GRM1: variants seen among roughly 807,000 people sequenced by gnomAD.
GRM1 encodes glutamate metabotropic receptor 1, also known as metabotropic glutamate receptor 1.
In GRM1, 33 loss-of-function variants were observed where a neutral mutation model predicts 90.9. The ratio of observed to expected loss-of-function variants is 0.36; its 90% CI spans 0.28 to 0.49. GRM1 has a LOEUF of 0.49. GRM1 is among the 20% of genes least tolerant of loss of function. The pLI, the probability that GRM1 is intolerant of heterozygous loss-of-function variation, is 0.99. For missense variants in GRM1, 1,190 were observed against 1,534.3 expected, an observed-to-expected ratio of 0.78 and a Z score of 3.75; for synonymous variants, 700 against 613.2, an observed-to-expected ratio of 1.14 and a Z score of -2.09.
At chr6:146,345,402 T>C (rs1172704359) in intron 3 of GRM1, among the ~76,000 whole-genome samples, 3 of 152,184 alleles carry the variant, frequency 2.0e-5, no homozygotes, top group African/African-American at 7.2e-5. Flanking sequence ...ACATTTATGG[T>C]TTTGTTTTGT....
At chr6:146,352,681 T>A (rs1413963168) in intron 4 of GRM1, among the ~76,000 whole-genome samples, 185 bp downstream of exon 4, 1 of 152,102 alleles carries the variant, frequency 6.6e-6, no homozygotes, top group African/African-American at 2.4e-5. Flanking sequence ...TTTAAGACAT[T>A]AAAATACTTC....
intron 6 of GRM1, among the ~76,000 whole-genome samples, chr6:146,396,143 C>T (rs1457919123): frequency 6.7e-6 from 1 of 149,656 alleles, no homozygotes; most frequent in Non-Finnish European, 1.5e-5. Flanking sequence ...TATCATCTGT[C>T]TTGCCTGCAT....
At chr6:146,382,336 A>C (rs1030910382) in intron 5 of GRM1, among the ~76,000 whole-genome samples, 3 of 151,794 alleles carry the variant, frequency 2.0e-5, no homozygotes, top group African/African-American at 7.2e-5. Context: ...AAAAAAAAAA[A>C]AACAACTTGT....
At chr6:146,323,183 T>A (rs1275610277) in intron 3 of GRM1, among the ~76,000 whole-genome samples, 2 of 152,182 alleles carry the variant, frequency 1.3e-5, no homozygotes, top group East Asian at 3.9e-4. Context: ...CCACAGTGGT[T>A]GAACTAGTTT....
chr6:146,256,006 G>A (rs961152843), intron 2 of GRM1, among the ~76,000 whole-genome samples: 9 of 152,142 alleles, frequency 5.9e-5, no homozygotes, highest in Admixed American at 5.9e-4. Context: ...ATCCTAACCA[G>A]TAGGCATTTC....
Position 146,437,172 on chromosome 6 carries a change from TA to T in GRM1, c.*2377del, listed in dbSNP as rs1204435068. On this transcript the variant is annotated 3_prime_UTR_variant, in exon 8 of 8. Transcript: ENST00000282753. ...GATCTCTTTATTAGTGAATCATGCT[TA>T]TTTTTTACTCTTAATGCCACTAATA... The T allele has an allele frequency of 6.6e-6, 1 of 152,208 alleles. No homozygotes were observed. The highest frequency in any genetic ancestry group is 1.9e-4 in the East Asian group (1 of 5,190). The allele number at this position is 152,208 out of a possible 1,614,324, so 9.4% of individuals were successfully genotyped here.
intron 1 of GRM1, among the ~76,000 whole-genome samples, chr6:146,054,353 C>T (rs923518455): frequency 6.6e-6 from 1 of 152,038 alleles, no homozygotes; most frequent in Non-Finnish European, 1.5e-5. Flanking sequence ...TATATTTTCT[C>T]TCCCATATTT....
chr6:146,316,297 G>T (rs1783965320), intron 3 of GRM1, among the ~76,000 whole-genome samples: 2 of 152,142 alleles, frequency 1.3e-5, no homozygotes, highest in Admixed American at 6.5e-5. Flanking sequence ...ACGTGACCAG[G>T]GAAATTTCTC....
chr6:146,168,373 T>C (rs1777985642), intron 2 of GRM1, among the ~76,000 whole-genome samples: 1 of 152,002 alleles, frequency 6.6e-6, no homozygotes, highest in Admixed American at 6.6e-5. Flanking sequence ...TGATAGTAAA[T>C]TTCTATTTCT....
chr6:146,088,794 A>G (rs1011055381), intron 1 of GRM1, among the ~76,000 whole-genome samples: 9 of 152,136 alleles, frequency 5.9e-5, no homozygotes, highest in African/African-American at 2.2e-4. Flanking sequence ...AAAGAGGCCT[A>G]TGGAATCTTC....
At chr6:146,415,765 A>T (rs1489489036) in intron 7 of GRM1, among the ~76,000 whole-genome samples, 1 of 152,214 alleles carries the variant, frequency 6.6e-6, no homozygotes, top group Admixed American at 6.5e-5. Flanking sequence ...ATGCCCATTA[A>T]TAGGGTTGAA....
At chr6:146,345,612 A>G (rs1380885843) in intron 3 of GRM1, among the ~76,000 whole-genome samples, 1 of 152,232 alleles carries the variant, frequency 6.6e-6, no homozygotes, top group Admixed American at 6.5e-5. Context: ...GGATTCAAAG[A>G]GGACCATAAT....
At chr6:146,035,438 A>G (rs1428077312) in intron 1 of GRM1, among the ~76,000 whole-genome samples, 1 of 152,038 alleles carries the variant, frequency 6.6e-6, no homozygotes, top group Non-Finnish European at 1.5e-5. Context: ...TAATTTTTTA[A>G]CAAGTGTTCA....
intron 2 of GRM1, among the ~76,000 whole-genome samples, chr6:146,281,826 C>G (rs943473806): frequency 6.6e-5 from 10 of 152,174 alleles, no homozygotes; most frequent in African/African-American, 2.4e-4. Flanking sequence ...TGGCACACAT[C>G]ACCATGGATT....
At chr6:146,416,658 C>T (rs539901859) in intron 7 of GRM1, among the ~76,000 whole-genome samples, 4 of 152,238 alleles carry the variant, frequency 2.6e-5, no homozygotes, top group South Asian at 2.1e-4. Context: ...AATCCAGTTA[C>T]GGACTGAGCT....
At chr6:146,392,326 G>A (rs926172529) in intron 6 of GRM1, among the ~76,000 whole-genome samples, 1 of 152,100 alleles carries the variant, frequency 6.6e-6, no homozygotes, top group African/African-American at 2.4e-5. Flanking sequence ...TAAGAACCTA[G>A]AGAGCTTGCA....
intron 3 of GRM1, among the ~76,000 whole-genome samples, chr6:146,340,963 G>T (rs956512550): frequency 6.6e-6 from 1 of 152,142 alleles, no homozygotes; most frequent in Non-Finnish European, 1.5e-5. Context: ...CAAAATAGTA[G>T]GGTCCTCTGA....
intron 3 of GRM1, among the ~76,000 whole-genome samples, chr6:146,341,429 T>C (rs1784976661): frequency 6.6e-6 from 1 of 152,190 alleles, no homozygotes; most frequent in Non-Finnish European, 1.5e-5. Context: ...TATAAAATAA[T>C]ATACTTTTGG....
At position 146,399,191 on chromosome 6, in the gene GRM1, C is replaced by T; in HGVS notation, c.2152C>T (p.Leu718=). 1 of 1,614,106 alleles carries T rather than the reference C, an allele frequency of 6.2e-7. No homozygotes were observed. Among genetic ancestry groups the T allele is most frequent in the Non-Finnish European group, 8.5e-7 (1 of 1,180,012 alleles). The change falls in exon 7 of 8, where the codon CTA becomes TTA. Residue 718 remains leucine (L), a synonymous_variant. Transcript: ENST00000282753. This position sits in a 1 kb window ranked among gnomAD's most constrained non-coding sequence, Gnocchi z 5.4. Reference sequence around the variant, plus strand: ...TGCCTCAATTCTGATTAGTGTGCAACTAACCCTGGTGGTAACCCTGATCAT... The same window carrying T: ...TGCCTCAATTCTGATTAGTGTGCAATTAACCCTGGTGGTAACCCTGATCAT... ...IIASILISVQ[L]TLVVTLIIME...
Sources: gnomAD v4.1 joint callset for allele counts (sites outside exome capture counted in the v4.1 genomes callset) on GRCh38, gnomAD v4.1.1 for gene constraint, Gnocchi (gnomAD v3.1) non-coding constraint, MANE v1.5 for transcripts, NCBI Gene and HGNC (gene_info 2026-07-23, HGNC 2026-07-21) for gene names.